Variants in FRZB observed in about 807,000 individuals in gnomAD.
FRZB encodes the protein secreted frizzled-related protein 3.
Under a neutral mutation model 32.5 loss-of-function variants are expected in FRZB, and 34 were observed. The ratio of observed to expected loss-of-function variants is 1.05; its 90% confidence interval spans 0.80 to 1.39. The LOEUF (loss-of-function observed/expected upper bound fraction) is 1.39, where lower values mean the gene tolerates loss of function less well. FRZB is among the 40% of genes most tolerant of loss of function. The probability of loss-of-function intolerance (pLI) is 0.00; values close to 1 mark genes in which losing one functional copy is unlikely to be tolerated. For missense variants in FRZB, 423 were observed against 424.8 expected (o/e 1.00, Z 0.04); for synonymous variants, 170 against 159.2 (o/e 1.07, Z -0.51).
At chr2:182,857,759 T>C (rs918689027) in intron 2 of FRZB, among the ~76,000 whole-genome samples, 2 of 151,568 alleles carry the variant, frequency 1.3e-5, no homozygotes, top group Non-Finnish European at 2.9e-5. Context: ...AGAAAATGAA[T>C]AAAACCAAAA....
In FRZB at chr2:182,834,628, C is replaced by A; in HGVS notation, c.*221G>T. ...CTCATGATTAGTGAAATAGAAAACT[C>A]ACAATATACTTAAGAGTCTGCCCCC... is the stretch of plus-strand genomic sequence containing the variant. On this transcript the variant is annotated 3_prime_UTR_variant, in exon 6 of 6. Coordinates refer to ENST00000295113, the MANE Select transcript of FRZB (RefSeq NM_001463.4). 3.9e-6 allele frequency: 2 copies of A among 510,816 alleles called. No individual in the cohort carries two copies. The highest frequency in any genetic ancestry group is 7.0e-6 in the Non-Finnish European group (2 of 285,640). The allele number at this position is 510,816 out of a possible 1,614,324, so 31.6% of individuals were successfully genotyped here. A position where few individuals can be genotyped will look rare whatever the true frequency, so the allele number is the denominator to read the frequency against.
intron 2 of FRZB, among the ~76,000 whole-genome samples, chr2:182,854,845 C>T (rs907767625): frequency 6.6e-6 from 1 of 152,086 alleles, no homozygotes; most frequent in Non-Finnish European, 1.5e-5. Flanking sequence ...GCCAAAGGAC[C>T]AAAACGGGGG....
chr2:182,851,386 T>C (rs1334989562), intron 2 of FRZB, among the ~76,000 whole-genome samples: 1 of 152,218 alleles, frequency 6.6e-6, no homozygotes, highest in African/African-American at 2.4e-5. Flanking sequence ...CTGGGCACGG[T>C]GGCTCACGCC....
rs376886875 is a variant in FRZB, at chr2:182,834,874, G to A, written c.953C>T (p.Ser318Leu). 7.3e-5 allele frequency: 118 copies of A among 1,613,160 alleles called. No individual in the cohort carries two copies. In the East Asian group the frequency reaches 8.5e-4, roughly 12 times the overall value. The change falls in exon 6 of 6, where the codon TCG becomes TTG. Residue 318 changes from serine to leucine, a missense_variant. Physicochemically the swap from Ser to Leu is moderately radical, Grantham distance 145. Transcript: ENST00000295113. ...STQSQKSGRN[S>L]NPRQARN The stretch of plus-strand genomic sequence containing the variant: ...TTAGTTGCGTGCTTGCCGGGGGTTC[G>A]AGTTCCTGCCAGACTTCTGACTCTG...
chr2:182,838,437 T>A lies in FRZB; in HGVS notation c.769A>T (p.Met257Leu), dbSNP rs1438608132. 1.2e-6 allele frequency: 2 copies of A among 1,612,556 alleles called. No individual in the cohort carries two copies. The highest frequency in any genetic ancestry group is 1.7e-6 in the Non-Finnish European group (2 of 1,178,908). Reference sequence around the variant, plus strand: ...GAACGTTCCTCATCTTCATAGCCCATGATGATATATTCCTCATTAACATTA... The same window carrying A: ...GAACGTTCCTCATCTTCATAGCCCAAGATGATATATTCCTCATTAACATTA... ...PLNVNEEYII[M>L]GYEDEERSRL... is the part of the protein sequence containing the mutation. Residue 257 changes from methionine to leucine, a missense_variant, in exon 4 of 6, where the codon ATG (methionine) becomes TTG (leucine). Coordinates refer to ENST00000295113, the MANE Select transcript of FRZB (RefSeq NM_001463.4).
intron 2 of FRZB, among the ~76,000 whole-genome samples, chr2:182,850,943 G>T (rs1048017004): frequency 7.9e-5 from 12 of 152,084 alleles, no homozygotes; most frequent in Non-Finnish European, 4.4e-5. Flanking sequence ...TCTCACTGTG[G>T]TTTTGATTTG....
At position 182,866,167 on chromosome 2, in the gene FRZB, G is replaced by C; in HGVS notation, c.386C>G (p.Ser129Trp). ...CEPILIKYRH[S>W]WPENLACEEL... ...CTCGCAGGCCAGGTTCTCCGGCCAC[G>C]AGTGGCGGTACTTGATGAGTATGGG... The change falls in exon 1 of 6, where the codon TCG (serine) becomes TGG (tryptophan). Residue 129 changes from serine to tryptophan, a missense_variant. Ser to Trp is a radical substitution (Grantham distance 177, BLOSUM62 -3). Transcript: ENST00000295113. This position sits in a 1 kb window ranked among gnomAD's most constrained non-coding sequence, Gnocchi z 4.5. The C allele has an allele frequency of 6.2e-7, 1 of 1,614,092 alleles. No homozygotes were observed. The highest frequency in any genetic ancestry group is 8.5e-7 in the Non-Finnish European group (1 of 1,179,990).
chr2:182,849,007 C>G (rs1013548663), intron 2 of FRZB, among the ~76,000 whole-genome samples: 2 of 152,076 alleles, frequency 1.3e-5, no homozygotes, highest in Non-Finnish European at 2.9e-5. Flanking sequence ...GCGGGTGGAT[C>G]ACGAGGTCAG....
At chr2:182,858,978 G>A (rs1404061406) in intron 1 of FRZB, 145 bp from the exon 2 acceptor site, 12 of 658,912 alleles carry the variant, frequency 1.8e-5, no homozygotes, top group African/African-American at 8.9e-5. Flanking sequence ...TCATGAGGTC[G>A]GCATTCTTAT....
rs2105754175 is a variant in FRZB, at chr2:182,842,526, G to A, written c.544C>T (p.Pro182Ser). The A allele has an allele frequency of 1.9e-6, 3 of 1,611,828 alleles. No individual in the cohort carries two copies. The highest frequency in any genetic ancestry group is 4.5e-5 in the East Asian group (2 of 44,834). ...GASSERCKCKPIRATQKTYFR... is the reference protein window; with the variant it reads ...GASSERCKCKSIRATQKTYFR... Reference sequence around the variant, plus strand: ...TAGGTCTTCTGTGTAGCTCTAATAGGCTTACATTTACAGCGTTCTGAAAAA... The same window carrying A: ...TAGGTCTTCTGTGTAGCTCTAATAGACTTACATTTACAGCGTTCTGAAAAA... The change falls in exon 3 of 6, where the codon CCT becomes TCT. Residue 182 changes from proline (P) to serine (S), a missense_variant. Transcript: ENST00000295113.
chr2:182,845,261 G>T (rs368119797), intron 2 of FRZB, among the ~76,000 whole-genome samples: 7 of 151,902 alleles, frequency 4.6e-5, no homozygotes, highest in African/African-American at 1.7e-4. Flanking sequence ...GCATGCATTA[G>T]CTGTCACCTT....
intron 2 of FRZB, among the ~76,000 whole-genome samples, chr2:182,847,133 A>G (rs906343188): frequency 2.0e-5 from 3 of 152,250 alleles, no homozygotes; most frequent in Non-Finnish European, 4.4e-5. Context: ...TTGAACAAAG[A>G]AAGTACACAC....
chr2:182,854,583 T>G (rs1423450170), intron 2 of FRZB, among the ~76,000 whole-genome samples: 1 of 152,198 alleles, frequency 6.6e-6, no homozygotes, highest in Non-Finnish European at 1.5e-5. Flanking sequence ...ATCAGCCTCT[T>G]GCATTCCATT....
At chr2:182,863,359 T>C (rs1312705331) in intron 1 of FRZB, among the ~76,000 whole-genome samples, 1 of 152,214 alleles carries the variant, frequency 6.6e-6, no homozygotes, top group African/African-American at 2.4e-5. Flanking sequence ...AAATATAAAA[T>C]GTGTAAGATG....
intron 2 of FRZB, among the ~76,000 whole-genome samples, chr2:182,843,676 A>G (rs181614321): frequency 3.3e-4 from 51 of 152,286 alleles, no homozygotes; most frequent in African/African-American, 1.2e-3. Flanking sequence ...CCCAGCACTC[A>G]CTTTGGGAGG....
chr2:182,858,634 T>A, intron 2 of FRZB, 152 bp downstream of exon 2: 1 of 526,412 alleles, frequency 1.9e-6, no homozygotes. Context: ...GTGCTAATTT[T>A]AAAAATAAAA....
At chr2:182,853,936 G>C (rs1272958454) in intron 2 of FRZB, among the ~76,000 whole-genome samples, 1 of 152,078 alleles carries the variant, frequency 6.6e-6, no homozygotes, top group Non-Finnish European at 1.5e-5. Context: ...ACATTAGAAT[G>C]AATAAAGTGT....
intron 1 of FRZB, among the ~76,000 whole-genome samples, chr2:182,863,371 A>G (rs939938154): frequency 6.6e-6 from 1 of 152,252 alleles, no homozygotes; most frequent in African/African-American, 2.4e-5. Flanking sequence ...TGTAAGATGA[A>G]TAATAATGGT....
chr2:182,849,570 GTGA>G (rs1289921669), intron 2 of FRZB, among the ~76,000 whole-genome samples: 2 of 152,146 alleles, frequency 1.3e-5, no homozygotes, highest in Admixed American at 1.3e-4. Context: ...TATGGAAAAT[GTGA>G]TGAAGTTGAC....
Sources: allele counts gnomAD v4.1 joint callset (sites outside exome capture counted in the v4.1 genomes callset), GRCh38; gene constraint gnomAD v4.1.1; non-coding constraint Gnocchi (gnomAD v3.1); transcripts MANE v1.5; gene names NCBI Gene and HGNC (gene_info 2026-07-23, HGNC 2026-07-21).